IQGAP2: variants seen among roughly 807,000 people sequenced by gnomAD.
The protein encoded by IQGAP2 is IQ motif containing GTPase activating protein 2.
Under a neutral mutation model 201.3 loss-of-function variants are expected in IQGAP2, and 173 were observed. The observed-to-expected ratio is 0.86, with a 90% confidence interval of 0.76 to 0.98. The LOEUF (loss-of-function observed/expected upper bound fraction) is 0.98, where lower values mean the gene tolerates loss of function less well. IQGAP2 is among the 50% of genes least tolerant of loss of function. The pLI is 0.00. For missense variants in IQGAP2, 1,687 were observed against 1,864.8 expected, an observed-to-expected ratio of 0.90 and a Z score of 1.76; for synonymous variants, 675 against 673.9, an observed-to-expected ratio of 1.00 and a Z score of -0.03.
chr5:76,575,898 G>A, intron 5 of IQGAP2, 129 bp downstream of exon 5: 1 of 470,264 alleles, frequency 2.1e-6, no homozygotes, highest in Non-Finnish European at 3.8e-6. Flanking sequence ...CCATTGTTTT[G>A]GATTTGCTGG....
chr5:76,592,741 A>T, intron 8 of IQGAP2, 97 bp from the exon 9 acceptor site: 1 of 796,462 alleles, frequency 1.3e-6, no homozygotes, highest in Non-Finnish European at 2.2e-6. Context: ...ATAATTAGGG[A>T]ATGGTTTTTG....
chr5:76,658,152 C>G (rs1742918873), intron 20 of IQGAP2, among the ~76,000 whole-genome samples: 1 of 152,116 alleles, frequency 6.6e-6, no homozygotes, highest in Non-Finnish European at 1.5e-5. Flanking sequence ...GAATGAGGCA[C>G]AGATAGGACT....
chr5:76,560,239 A>G (rs1329452921), intron 2 of IQGAP2, among the ~76,000 whole-genome samples: 1 of 151,858 alleles, frequency 6.6e-6, no homozygotes, highest in African/African-American at 2.4e-5. Context: ...TGCAGCCTCA[A>G]ACTCCAGGGC....
At chr5:76,573,125 T>A (rs1745228334) in intron 4 of IQGAP2, among the ~76,000 whole-genome samples, 1 of 152,222 alleles carries the variant, frequency 6.6e-6, no homozygotes, top group African/African-American at 2.4e-5. Flanking sequence ...GATAAACCGA[T>A]TAATAAAAAA....
At chr5:76,705,946 T>G (rs1747854717) in intron 35 of IQGAP2, among the ~76,000 whole-genome samples, 1 of 152,212 alleles carries the variant, frequency 6.6e-6, no homozygotes, top group African/African-American at 2.4e-5. Context: ...GTTACTTATT[T>G]TAAAAAGAGA....
intron 2 of IQGAP2, among the ~76,000 whole-genome samples, chr5:76,518,079 C>T (rs972856289): frequency 1.3e-5 from 2 of 152,170 alleles, no homozygotes; most frequent in Admixed American, 1.3e-4. Context: ...GTCTCAGCCT[C>T]CCAAGTAGTT....
In IQGAP2 at chr5:76,488,843, C is replaced by T. The variant is rs115809716; in HGVS notation, c.146+27174C>T. Among the ~76,000 whole-genome samples, 1,398 of 152,238 alleles carry T rather than the reference C, an allele frequency of 9.2e-3. 21 individuals carry two copies. The highest frequency in any genetic ancestry group is 0.032 in the African/African-American group (1,345 of 41,510). On this transcript the variant is annotated intron_variant, in intron 2 of 35. Coordinates refer to ENST00000274364, the MANE Select transcript of IQGAP2 (RefSeq NM_006633.5). ...TCTGCTTTCAGATTCTCTTGGTGTG[C>T]GGGCTTGGGAAGGACAGATGGGAGC...
chr5:76,567,789 T>C (rs1216249893), intron 3 of IQGAP2, among the ~76,000 whole-genome samples: 1 of 152,224 alleles, frequency 6.6e-6, no homozygotes, highest in African/African-American at 2.4e-5. Flanking sequence ...AATTCCAATA[T>C]GTAGAATGTT....
At chr5:76,599,794 G>A (rs1041872629) in intron 10 of IQGAP2, among the ~76,000 whole-genome samples, 2 of 151,940 alleles carry the variant, frequency 1.3e-5, no homozygotes, top group Non-Finnish European at 2.9e-5. Flanking sequence ...ATATGTATCA[G>A]CTTTTCCTTA....
At chr5:76,515,073 T>A in intron 2 of IQGAP2, among the ~76,000 whole-genome samples, 1 of 152,246 alleles carries the variant, frequency 6.6e-6, no homozygotes, top group South Asian at 2.1e-4. Context: ...AGCCCTACTT[T>A]GACTGCTCTA....
chr5:76,619,514 CTTTTTTTTTTT>C (rs773323091), intron 13 of IQGAP2, among the ~76,000 whole-genome samples: 2 of 104,266 alleles, frequency 1.9e-5, no homozygotes, highest in African/African-American at 4.0e-5. Context: ...TAAGGATCTT[CTTTTTTTTTTT>C]TTTTTTTTTT....
chr5:76,580,754 C>A (rs917483266), intron 5 of IQGAP2, among the ~76,000 whole-genome samples: 2 of 152,188 alleles, frequency 1.3e-5, no homozygotes, highest in Non-Finnish European at 2.9e-5. Flanking sequence ...CCCTGACATT[C>A]TTTGAAATAT....
intron 2 of IQGAP2, among the ~76,000 whole-genome samples, chr5:76,517,429 G>C (rs1195285292): frequency 6.6e-6 from 1 of 151,884 alleles, no homozygotes; most frequent in African/African-American, 2.4e-5. Flanking sequence ...TGTTTACCTG[G>C]TTTTACATTC....
At chr5:76,585,749 G>A (rs1746203624) in intron 5 of IQGAP2, among the ~76,000 whole-genome samples, 2 of 152,028 alleles carry the variant, frequency 1.3e-5, no homozygotes, top group Non-Finnish European at 2.9e-5. Flanking sequence ...CTCAACCTCA[G>A]GTGATTTGCC....
intron 1 of IQGAP2, among the ~76,000 whole-genome samples, chr5:76,449,145 T>C (rs1753583175): frequency 6.6e-6 from 1 of 152,156 alleles, no homozygotes; most frequent in Non-Finnish European, 1.5e-5. Context: ...ACAGAGACTT[T>C]GAAGGCTGAG....
At chr5:76,517,130 A>G (rs939464854) in intron 2 of IQGAP2, among the ~76,000 whole-genome samples, 1 of 152,150 alleles carries the variant, frequency 6.6e-6, no homozygotes, top group African/African-American at 2.4e-5. Context: ...AAGGAAAACT[A>G]AATACATTTT....
At chr5:76,480,602 C>T (rs371964370) in intron 2 of IQGAP2, among the ~76,000 whole-genome samples, 1 of 152,182 alleles carries the variant, frequency 6.6e-6, no homozygotes, top group African/African-American at 2.4e-5. Context: ...GTCTCATATA[C>T]ATAGGCAACT....
At position 76,707,996 on chromosome 5, in the gene IQGAP2, C is replaced by T. The variant is rs1748053295; in HGVS notation, c.*683C>T. ...ATAGTGAGCATAGTCCCCACCTCCA[C>T]CCCTCACAATTTATTTGAATACTTC... On this transcript the variant is annotated 3_prime_UTR_variant, in exon 36 of 36. Coordinates refer to ENST00000274364, the MANE Select transcript of IQGAP2 (RefSeq NM_006633.5). The T allele has an allele frequency of 6.6e-6, 1 of 152,624 alleles. No individual in the cohort carries two copies. The highest frequency in any genetic ancestry group is 1.5e-5 in the Non-Finnish European group (1 of 68,052). 9.5% of individuals were successfully genotyped at this position (152,624 alleles called of 1,614,324 possible).
In IQGAP2 at chr5:76,620,245, G is replaced by A. The variant is rs527590039; in HGVS notation, c.1522-7165G>A. 1.2e-4 allele frequency among the ~76,000 whole-genome samples: 18 copies of A among 152,290 alleles called. No homozygotes were observed. The South Asian group carries it at 3.7e-3, about 32-fold the overall frequency. ...GGAAAGGTAAGAAATTACAGGCAAG[G>A]GGACCTGATTTGGAGGCTACTGTCA... On this transcript the variant is annotated intron_variant, in intron 13 of 35. Coordinates refer to ENST00000274364, the MANE Select transcript of IQGAP2 (RefSeq NM_006633.5).
Sources: gnomAD v4.1 joint callset for allele counts (sites outside exome capture counted in the v4.1 genomes callset) on GRCh38, gnomAD v4.1.1 for gene constraint, MANE v1.5 for transcripts, NCBI Gene and HGNC (gene_info 2026-07-23, HGNC 2026-07-21) for gene names.